Variants in DGKB observed in about 807,000 individuals in gnomAD.
DGKB encodes diacylglycerol kinase beta.
In DGKB, 67 loss-of-function variants were observed where a neutral mutation model predicts 114.3. That is an observed-to-expected ratio of 0.59 (90% CI 0.48 to 0.72). The LOEUF (loss-of-function observed/expected upper bound fraction) is 0.72, where lower values mean the gene tolerates loss of function less well. DGKB is among the 30% of genes least tolerant of loss of function. DGKB has a pLI of 0.00. For missense variants in DGKB, 907 were observed against 975.2 expected (o/e 0.93, Z 0.93); for synonymous variants, 398 against 323.1 (o/e 1.23, Z -2.49).
At chr7:14,815,540 T>G (rs1010706791) in intron 2 of DGKB, among the ~76,000 whole-genome samples, 1 of 152,224 alleles carries the variant, frequency 6.6e-6, no homozygotes, top group Admixed American at 6.5e-5. Flanking sequence ...ATTATTTTTT[T>G]CTCTTGCTTA....
chr7:14,263,893 G>C (rs1227641438), intron 23 of DGKB, among the ~76,000 whole-genome samples: 1 of 152,182 alleles, frequency 6.6e-6, no homozygotes, highest in African/African-American at 2.4e-5. Flanking sequence ...AAGTCTCCAA[G>C]TAATGCTGAT....
At chr7:14,484,902 T>C (rs1355845141) in intron 20 of DGKB, among the ~76,000 whole-genome samples, 1 of 151,988 alleles carries the variant, frequency 6.6e-6, no homozygotes, top group African/African-American at 2.4e-5. Flanking sequence ...TCCACATAAA[T>C]TGGGAGAAGA....
At chr7:14,267,536 T>C (rs1454895352) in intron 23 of DGKB, among the ~76,000 whole-genome samples, 2 of 151,868 alleles carry the variant, frequency 1.3e-5, no homozygotes, top group Admixed American at 6.6e-5. Context: ...TTGCCCAGGC[T>C]GGAGTGCAGT....
At chr7:14,418,759 T>G (rs1826193437) in intron 21 of DGKB, among the ~76,000 whole-genome samples, 1 of 151,606 alleles carries the variant, frequency 6.6e-6, no homozygotes, top group African/African-American at 2.4e-5. Context: ...ACCCTTAAGC[T>G]TGTTGTCTTA....
At chr7:14,423,571 A>T (rs1475379364) in intron 21 of DGKB, among the ~76,000 whole-genome samples, 2 of 152,024 alleles carry the variant, frequency 1.3e-5, no homozygotes, top group Non-Finnish European at 2.9e-5. Flanking sequence ...TAGTTCATAA[A>T]ATTGGTTTTG....
chr7:14,429,414 A>G (rs1466710278), intron 21 of DGKB, among the ~76,000 whole-genome samples: 1 of 152,152 alleles, frequency 6.6e-6, no homozygotes, highest in Non-Finnish European at 1.5e-5. Flanking sequence ...AGACATCATG[A>G]TCTTGGACTT....
chr7:14,149,360 A>AGTGTAAAATGTAATTTC (rs1781847093), intron 25 of DGKB, 122 bp from the exon 26 acceptor site: 1 of 650,980 alleles, frequency 1.5e-6, no homozygotes, highest in Non-Finnish European at 2.5e-6. Context: ...AAACACCGCA[A>AGTGTAAAATGTAATTTC]GTGTAAAATG....
At chr7:14,725,576 A>G (rs1272034157) in intron 5 of DGKB, among the ~76,000 whole-genome samples, 2 of 150,994 alleles carry the variant, frequency 1.3e-5, no homozygotes, top group Admixed American at 1.3e-4. Flanking sequence ...TTTTTGAGAT[A>G]GGGTCTCACT....
chr7:14,346,345 A>G (rs1677316427), intron 21 of DGKB, among the ~76,000 whole-genome samples: 1 of 151,938 alleles, frequency 6.6e-6, no homozygotes. Flanking sequence ...GCTATGTTAA[A>G]TCCAATAGAG....
At chr7:14,293,428 A>G (rs1802068552) in intron 23 of DGKB, among the ~76,000 whole-genome samples, 1 of 152,160 alleles carries the variant, frequency 6.6e-6, no homozygotes, top group South Asian at 2.1e-4. Context: ...TTTCTTTACA[A>G]AATAGGAACT....
At chr7:14,169,464 G>T (rs73269901) in intron 25 of DGKB, among the ~76,000 whole-genome samples, 5,464 of 151,918 alleles carry the variant, frequency 0.036, 160 homozygotes, top group East Asian at 0.12. Context: ...CCAGAAGAAT[G>T]AATCTATTTC....
intron 25 of DGKB, among the ~76,000 whole-genome samples, chr7:14,175,664 T>C (rs1166358485): frequency 6.6e-6 from 1 of 152,186 alleles, no homozygotes; most frequent in East Asian, 1.9e-4. Context: ...TTTTCAGTAG[T>C]TTCCTATTGT....
chr7:14,619,048 T>TG (rs1299928645), intron 15 of DGKB, among the ~76,000 whole-genome samples: 4 of 151,618 alleles, frequency 2.6e-5, no homozygotes, highest in African/African-American at 9.7e-5. Context: ...TTCTTTTATT[T>TG]TTTTTCTCCA....
intron 20 of DGKB, among the ~76,000 whole-genome samples, chr7:14,484,158 A>G (rs1240703018): frequency 6.6e-6 from 1 of 152,070 alleles, no homozygotes; most frequent in Non-Finnish European, 1.5e-5. Flanking sequence ...TTTAGAATCT[A>G]TAACTTAGCA....
intron 1 of DGKB, among the ~76,000 whole-genome samples, chr7:14,872,941 C>G (rs1476304627): frequency 6.6e-6 from 1 of 151,720 alleles, no homozygotes; most frequent in African/African-American, 2.4e-5. Context: ...ATTTGATAAT[C>G]AAGAGAGTAA....
chr7:14,280,840 T>G (rs1384281475), intron 23 of DGKB, among the ~76,000 whole-genome samples: 29 of 150,794 alleles, frequency 1.9e-4, no homozygotes, highest in South Asian at 2.1e-4. Context: ...AGGCCTGCCC[T>G]AAAAGAGCTC....
chr7:14,488,408 T>A (rs1784130562), intron 20 of DGKB, among the ~76,000 whole-genome samples: 1 of 152,172 alleles, frequency 6.6e-6, no homozygotes, highest in Non-Finnish European at 1.5e-5. Context: ...ACCACAGATA[T>A]ATCATTTCTG....
rs1525084 is a variant in DGKB at position 14,600,203 on chromosome 7, C to A, written c.1433+7231G>T. ...TCACATGGCAGTAGAAGGGGAAAGG[C>A]GAGAGCTAGTTCCCTTGAGCCATTT... is the stretch of plus-strand genomic sequence containing the variant. On this transcript the variant is annotated intron_variant, in intron 17 of 25. Transcript: ENST00000402815. 5.3e-5 allele frequency among the ~76,000 whole-genome samples: 8 copies of A among 152,192 alleles called. No individual in the cohort carries two copies. In the South Asian group the frequency reaches 1.7e-3, roughly 32 times the overall value.
chr7:14,288,965 C>A (rs2128468556), intron 23 of DGKB, among the ~76,000 whole-genome samples: 1 of 152,270 alleles, frequency 6.6e-6, no homozygotes, highest in South Asian at 2.1e-4. Flanking sequence ...GCCTTTAGCA[C>A]ATACAGCAAT....
Sources: allele counts gnomAD v4.1 joint callset (sites outside exome capture counted in the v4.1 genomes callset), GRCh38; gene constraint gnomAD v4.1.1; transcripts MANE v1.5; gene names NCBI Gene and HGNC (gene_info 2026-07-23, HGNC 2026-07-21).